NLRP8: variants seen among roughly 807,000 people sequenced by gnomAD.
NLRP8 encodes the protein NLR family pyrin domain containing 8.
A neutral mutation model predicts 88.7 loss-of-function variants in NLRP8; 86 were observed. That is an observed-to-expected ratio of 0.97 (90% CI 0.81 to 1.16). The LOEUF is 1.16. Among genes scored for constraint, NLRP8 ranks in the 50% most tolerant of loss-of-function variants. NLRP8 has a pLI of 0.00. For synonymous variants in NLRP8, 504 were observed against 494.6 expected, an observed-to-expected ratio of 1.02 and a Z score of -0.25; for missense variants, 1,342 against 1,286.5, an observed-to-expected ratio of 1.04 and a Z score of -0.66.
rs765601672 is a variant in NLRP8 at position 55,955,979 on chromosome 19, G to T, written c.1921G>T (p.Glu641Ter). ...TGTCTTGAGAATTGGCAACAACAAA[G>T]AAGTTCAAGTGTCTGCTTTTTGCCT... Residue 641 changes from glutamate (E) to a stop codon, truncating the protein, a stop_gained, in exon 3 of 10, where the codon GAA becomes TAA. Transcript: ENST00000291971. LOFTEE classifies it high-confidence loss of function. The T allele has an allele frequency of 6.4e-5, 103 of 1,614,056 alleles. No individual in the cohort carries two copies. The highest frequency in any genetic ancestry group is 1.0e-4 in the Admixed American group (6 of 59,986).
intron 6 of NLRP8, among the ~76,000 whole-genome samples, chr19:55,973,030 GAA>G (rs1323478375): frequency 6.6e-6 from 1 of 152,064 alleles, no homozygotes; most frequent in Admixed American, 6.6e-5. Context: ...GTTCTTTAAG[GAA>G]TCTCCACACT....
intron 3 of NLRP8, among the ~76,000 whole-genome samples, chr19:55,956,846 G>T (rs1459155424): frequency 1.3e-5 from 2 of 152,042 alleles, no homozygotes; most frequent in African/African-American, 4.8e-5. Flanking sequence ...ACCCAGGAAG[G>T]CAGTGGTACG....
chr19:55,965,089 C>A (rs1568463582), intron 4 of NLRP8, among the ~76,000 whole-genome samples: 1 of 151,986 alleles, frequency 6.6e-6, no homozygotes, highest in Admixed American at 6.6e-5. Flanking sequence ...AGTGGAAGAG[C>A]AGCCTGGACA....
At chr19:55,983,620 G>T (rs1445002793) in intron 9 of NLRP8, among the ~76,000 whole-genome samples, 1 of 151,830 alleles carries the variant, frequency 6.6e-6, no homozygotes, top group Non-Finnish European at 1.5e-5. Flanking sequence ...CAAAGTAAGA[G>T]TAGTGGGAAA....
intron 8 of NLRP8, among the ~76,000 whole-genome samples, chr19:55,976,992 A>G: frequency 6.7e-6 from 1 of 149,336 alleles, no homozygotes; most frequent in Non-Finnish European, 1.5e-5. Context: ...AGGCAGGAGA[A>G]TGGTGTGAAC....
Position 55,947,918 on chromosome 19 carries a change from CCACCCTCTGA to C in NLRP8, c.22_31del (p.Ser8ProfsTer35), listed in dbSNP as rs1169043679. 1.2e-6 allele frequency: 2 copies of C among 1,611,312 alleles called. No homozygotes were observed. Among genetic ancestry groups the C allele is most frequent in the Non-Finnish European group, 1.7e-6 (2 of 1,178,384 alleles). ...TTGACTAAAGATGAGTGACGTGAAT[CCACCCTCTGA>C]CACCCCCATTCCCTTTTCATCCTCC... On this transcript the variant is annotated frameshift_variant, in exon 1 of 10. Coordinates refer to ENST00000291971, the MANE Select transcript of NLRP8 (RefSeq NM_176811.2). LOFTEE classifies it high-confidence loss of function.
chr19:55,985,960 G>C (rs953798575), intron 9 of NLRP8, among the ~76,000 whole-genome samples: 1 of 152,050 alleles, frequency 6.6e-6, no homozygotes, highest in African/African-American at 2.4e-5. Flanking sequence ...AGTTTGCACT[G>C]AGTACTCCAG....
Position 55,954,892 on chromosome 19 carries a change from C to T in NLRP8, c.834C>T (p.Pro278=), listed in dbSNP as rs762189376. ...TCGTGTCAAAGATTATGTCCAAACCCGACCAACTTCTGCTGCTCTTGGATG... is the reference window on the plus strand; with the variant it reads ...TCGTGTCAAAGATTATGTCCAAACCTGACCAACTTCTGCTGCTCTTGGATG... The change falls in exon 3 of 10, where the codon CCC becomes CCT. Residue 278 remains proline (P), a synonymous_variant. Coordinates refer to ENST00000291971, the MANE Select transcript of NLRP8 (RefSeq NM_176811.2). 1.7e-5 allele frequency: 27 copies of T among 1,614,016 alleles called. No homozygotes were observed. The highest frequency in any genetic ancestry group is 4.0e-5 in the African/African-American group (3 of 74,922).
intron 9 of NLRP8, among the ~76,000 whole-genome samples, chr19:55,986,485 C>CACACACAT (rs754719456): frequency 0.029 from 4,397 of 150,412 alleles, 145 homozygotes; most frequent in African/African-American, 0.085. Flanking sequence ...CACACACACA[C>CACACACAT]ACACACACAC....
Position 55,988,175 on chromosome 19 carries a change from T to G in NLRP8, c.*262T>G. 4.1e-6 allele frequency: 1 copy of G among 246,176 alleles called. No individual in the cohort carries two copies. The highest frequency in any genetic ancestry group is 7.9e-6 in the Non-Finnish European group (1 of 126,454). 15.2% of individuals were successfully genotyped at this position (246,176 alleles called of 1,614,324 possible). ...GGGAGGTCGAGGTGGGCAGATTACCTGAGGTCAGGAGTTCCAGACCAGCCT... is the reference window on the plus strand; with the variant it reads ...GGGAGGTCGAGGTGGGCAGATTACCGGAGGTCAGGAGTTCCAGACCAGCCT... On this transcript the variant is annotated 3_prime_UTR_variant, in exon 10 of 10. Transcript: ENST00000291971.
chr19:55,972,147 C>T (rs1980102408), intron 6 of NLRP8, among the ~76,000 whole-genome samples: 1 of 138,860 alleles, frequency 7.2e-6, no homozygotes, highest in Non-Finnish European at 1.5e-5. Flanking sequence ...CAGAATCTTG[C>T]TCTGTTGCCC....
chr19:55,953,595 G>T (rs1324885723), intron 2 of NLRP8, among the ~76,000 whole-genome samples: 1 of 151,712 alleles, frequency 6.6e-6, no homozygotes, highest in African/African-American at 2.4e-5. Flanking sequence ...TGCCTCCCAG[G>T]TTCAAGTGAT....
chr19:55,980,622 A>G (rs1372739821), intron 9 of NLRP8, among the ~76,000 whole-genome samples: 1 of 152,152 alleles, frequency 6.6e-6, no homozygotes, highest in Non-Finnish European at 1.5e-5. Context: ...GGAGTTGCTC[A>G]TGACATTGCA....
chr19:55,980,079 T>C (rs1245987790), intron 9 of NLRP8, among the ~76,000 whole-genome samples: 1 of 152,220 alleles, frequency 6.6e-6, no homozygotes, highest in Non-Finnish European at 1.5e-5. Context: ...GATTCTCCTA[T>C]CTGATATCTT....
intron 6 of NLRP8, 134 bp downstream of exon 6, chr19:55,970,830 G>A: frequency 8.7e-7 from 1 of 1,153,762 alleles, no homozygotes; most frequent in Admixed American, 2.3e-5. Context: ...TGTGATTGAT[G>A]TAATTATATA....
chr19:55,953,119 C>T (rs749935613), intron 2 of NLRP8, among the ~76,000 whole-genome samples: 9 of 152,112 alleles, frequency 5.9e-5, no homozygotes, highest in Non-Finnish European at 1.3e-4. Flanking sequence ...CTGGGCTCTG[C>T]CTCCTGTCAG....
intron 6 of NLRP8, 41 bp from the exon 7 acceptor site, chr19:55,973,611 A>T (rs1160910538): frequency 6.5e-7 from 1 of 1,532,596 alleles, no homozygotes; most frequent in East Asian, 2.3e-5. Context: ...TGAGACAAAG[A>T]CCCCTCTCCA....
chr19:55,986,210 A>G (rs913520915), intron 9 of NLRP8, among the ~76,000 whole-genome samples: 2 of 152,082 alleles, frequency 1.3e-5, no homozygotes, highest in Non-Finnish European at 2.9e-5. Context: ...TAATTTGTCA[A>G]TACACAAAAA....
intron 9 of NLRP8, among the ~76,000 whole-genome samples, chr19:55,985,816 G>C (rs1348260762): frequency 6.6e-6 from 1 of 152,166 alleles, no homozygotes; most frequent in East Asian, 1.9e-4. Context: ...AGGAGTTCGA[G>C]ATCAGTTTGG....
Sources: gnomAD v4.1 joint callset for allele counts (sites outside exome capture counted in the v4.1 genomes callset) on GRCh38, gnomAD v4.1.1 for gene constraint, MANE v1.5 for transcripts, NCBI Gene and HGNC (gene_info 2026-07-23, HGNC 2026-07-21) for gene names.